GRID1: variants seen among roughly 807,000 people sequenced by gnomAD.
GRID1 encodes the protein glutamate ionotropic receptor delta type subunit 1, also known as glutamate receptor ionotropic, delta-1.
GRID1 carries 28 observed loss-of-function variants against 98.0 expected under a neutral mutation model. That is an observed-to-expected ratio of 0.29 (90% CI 0.21 to 0.39). The LOEUF (loss-of-function observed/expected upper bound fraction) is 0.39. Ranked by LOEUF, GRID1 falls within the 10% of genes least tolerant of loss-of-function variation. The pLI is 1.00. For synonymous variants in GRID1, 553 were observed against 538.5 expected, an observed-to-expected ratio of 1.03 and a Z score of -0.37; for missense variants, 1,111 against 1,340.5, an observed-to-expected ratio of 0.83 and a Z score of 2.67.
At chr10:86,209,036 A>G (rs1258528379) in intron 2 of GRID1, among the ~76,000 whole-genome samples, 3 of 152,264 alleles carry the variant, frequency 2.0e-5, no homozygotes, top group Non-Finnish European at 4.4e-5. Flanking sequence ...ATAACATGGG[A>G]AAGTGCCTGT....
Position 85,967,569 on chromosome 10 carries a change from C to T in GRID1, c.727-51330G>A, listed in dbSNP as rs114586109. ...AGCTATTAAAAATATTTTCAAGGAA[C>T]TAGAGAAAATCGTGTCTAAAAAAAT... On this transcript the variant is annotated intron_variant, in intron 4 of 15. Coordinates refer to ENST00000327946, the MANE Select transcript of GRID1 (RefSeq NM_017551.3). Among the ~76,000 whole-genome samples, 898 of 152,242 alleles carry T rather than the reference C, an allele frequency of 5.9e-3. 8 individuals carry two copies. Among genetic ancestry groups the T allele is most frequent in the African/African-American group, 0.019 (801 of 41,552 alleles).
At chr10:85,635,162 G>A (rs867147377) in intron 13 of GRID1, among the ~76,000 whole-genome samples, 5 of 152,036 alleles carry the variant, frequency 3.3e-5, no homozygotes, top group African/African-American at 9.7e-5. Flanking sequence ...TATAAAAATC[G>A]TAAAAGAAAG....
chr10:86,142,125 T>C (rs534732663), intron 3 of GRID1, among the ~76,000 whole-genome samples: 2 of 152,072 alleles, frequency 1.3e-5, no homozygotes, highest in African/African-American at 4.8e-5. Context: ...TGGGGACACA[T>C]AGGGGAGAGT....
chr10:85,994,868 T>A (rs1285226693), intron 4 of GRID1, among the ~76,000 whole-genome samples: 1 of 152,230 alleles, frequency 6.6e-6, no homozygotes, highest in Non-Finnish European at 1.5e-5. Flanking sequence ...ATATATAAAA[T>A]TTATTGAGAA....
chr10:85,620,519 T>G (rs1842846300), intron 13 of GRID1, among the ~76,000 whole-genome samples: 1 of 152,142 alleles, frequency 6.6e-6, no homozygotes, highest in African/African-American at 2.4e-5. Flanking sequence ...GAGCTCTGCT[T>G]AGGGTGAATG....
intron 4 of GRID1, among the ~76,000 whole-genome samples, chr10:85,926,043 A>G (rs1841769913): frequency 1.3e-5 from 2 of 152,210 alleles, no homozygotes; most frequent in African/African-American, 4.8e-5. Context: ...GACTTTTTGG[A>G]GAATGGAATA....
At chr10:86,026,562 G>A (rs1385894004) in intron 4 of GRID1, among the ~76,000 whole-genome samples, 2 of 152,092 alleles carry the variant, frequency 1.3e-5, no homozygotes, top group African/African-American at 2.4e-5. Context: ...CCATTCCTTC[G>A]ATACAGTTTG....
rs1050312651 is a variant in GRID1 at position 85,730,779 on chromosome 10, A to T, written c.1234-1165T>A. Reference sequence around the variant, plus strand: ...GATGCTCAAACTATGATATCCACACAAATCACCCAGGGATTTTGTATGCAC... The same window carrying T: ...GATGCTCAAACTATGATATCCACACTAATCACCCAGGGATTTTGTATGCAC... On this transcript the variant is annotated intron_variant, in intron 8 of 15. Coordinates refer to ENST00000327946, the MANE Select transcript of GRID1 (RefSeq NM_017551.3). Among the ~76,000 whole-genome samples, 3 of 152,136 alleles carry T rather than the reference A, an allele frequency of 2.0e-5. No individual in the cohort carries two copies. The South Asian group carries it at 6.2e-4, about 32-fold the overall frequency.
intron 12 of GRID1, chr10:85,708,817 A>G (rs1841552263): frequency 6.4e-6 from 1 of 156,542 alleles, no homozygotes; most frequent in African/African-American, 2.4e-5. Context: ...ATTTTGGAGG[A>G]TAGACTGTGC....
At position 86,366,494 on chromosome 10, in the gene GRID1, G is replaced by C; in HGVS notation, c.-102C>G. The C allele has an allele frequency of 4.5e-6, 3 of 668,534 alleles. No homozygotes were observed. The highest frequency in any genetic ancestry group is 6.3e-6 in the Non-Finnish European group (3 of 476,488). 41.4% of individuals were successfully genotyped at this position (668,534 alleles called of 1,614,324 possible). A position where few individuals can be genotyped will look rare whatever the true frequency, so the allele number is the denominator to read the frequency against. On this transcript the variant is annotated 5_prime_UTR_variant, in exon 1 of 16. Transcript: ENST00000327946. This position sits in a 1 kb window ranked among gnomAD's most constrained non-coding sequence, Gnocchi z 4.1. ...CCGGTGCAGTCCCGGGCCGCTCCCC[G>C]GGAGAGCCGAGCCCGCCCGTGCGTC...
intron 4 of GRID1, among the ~76,000 whole-genome samples, chr10:85,919,939 A>AG (rs5786727): frequency 0.57 from 87,124 of 151,752 alleles, 25,645 homozygotes; most frequent in African/African-American, 0.71. Context: ...CACTCCCAAC[A>AG]CCAGCCAACA....
chr10:86,123,485 C>A (rs1844707644), intron 4 of GRID1, among the ~76,000 whole-genome samples: 1 of 152,158 alleles, frequency 6.6e-6, no homozygotes. Context: ...TGCACCCACC[C>A]CCACACCCAC....
chr10:85,988,043 G>A (rs1842634203), intron 4 of GRID1, among the ~76,000 whole-genome samples: 1 of 152,116 alleles, frequency 6.6e-6, no homozygotes, highest in Non-Finnish European at 1.5e-5. Context: ...AAGACCTGCT[G>A]AATAGAAATG....
intron 4 of GRID1, among the ~76,000 whole-genome samples, chr10:85,960,345 C>A (rs1250693004): frequency 6.6e-6 from 1 of 152,018 alleles, no homozygotes; most frequent in African/African-American, 2.4e-5. Context: ...TTTAACATCA[C>A]TCTGCCCACA....
rs1466514219 is a variant in GRID1 at position 85,723,020 on chromosome 10, C to T, written c.1980G>A (p.Arg660=). The T allele has an allele frequency of 6.2e-7, 1 of 1,611,784 alleles. No homozygotes were observed. The highest frequency in any genetic ancestry group is 1.7e-5 in the Admixed American group (1 of 59,794). Reference sequence around the variant, plus strand: ...AGGCTTACCTTATGGGGTTGTCCATCCTGGACACTGTGAGGAAGGCAGCAA... The same window carrying T: ...AGGCTTACCTTATGGGGTTGTCCATTCTGGACACTGTGAGGAAGGCAGCAA... The part of the protein sequence containing the change: ...ANLAAFLTVS[R]MDNPIRTFQD... Residue 660 remains arginine (R), a synonymous_variant, in exon 12 of 16, where the codon AGG becomes AGA. Transcript: ENST00000327946.
chr10:85,817,840 G>A (rs1473643479), intron 8 of GRID1, among the ~76,000 whole-genome samples: 5 of 151,372 alleles, frequency 3.3e-5, no homozygotes, highest in South Asian at 2.1e-4. Context: ...GCAGTGAGCC[G>A]AGATCTTGCC....
At chr10:85,969,464 G>A (rs1205266849) in intron 4 of GRID1, among the ~76,000 whole-genome samples, 1 of 152,032 alleles carries the variant, frequency 6.6e-6, no homozygotes, top group African/African-American at 2.4e-5. Context: ...CTCGATAAAA[G>A]TAAAAGGATT....
At chr10:85,993,173 G>C (rs143529366) in intron 4 of GRID1, among the ~76,000 whole-genome samples, 2 of 152,160 alleles carry the variant, frequency 1.3e-5, no homozygotes, top group South Asian at 2.1e-4. Context: ...AAGAGGAGGA[G>C]GCCAGGGTAT....
At chr10:86,284,090 CTACACACCTGCCCTCATACGCCTGCATA>C (rs1847395118) in intron 2 of GRID1, among the ~76,000 whole-genome samples, 2 of 143,290 alleles carry the variant, frequency 1.4e-5, no homozygotes, top group East Asian at 4.3e-4. Flanking sequence ...ATACCAGCAC[CTACACACCTGCCCTCATACGCCTGCATA>C]TACACACCTG....
Sources: gnomAD v4.1 joint callset for allele counts (sites outside exome capture counted in the v4.1 genomes callset) on GRCh38, gnomAD v4.1.1 for gene constraint, Gnocchi (gnomAD v3.1) non-coding constraint, MANE v1.5 for transcripts, NCBI Gene and HGNC (gene_info 2026-07-23, HGNC 2026-07-21) for gene names.